Variants in KLF4 observed in about 807,000 individuals in gnomAD.
The protein encoded by KLF4 is KLF transcription factor 4.
A neutral mutation model predicts 38.0 loss-of-function variants in KLF4; 14 were observed. That is an observed-to-expected ratio of 0.37 (90% CI 0.24 to 0.58). The LOEUF is 0.58. Among genes scored for constraint, KLF4 ranks in the 20% least tolerant of loss-of-function variants. The pLI is 0.76. For missense variants in KLF4, 737 were observed against 670.1 expected, an observed-to-expected ratio of 1.10 and a Z score of -1.10; for synonymous variants, 398 against 302.5, an observed-to-expected ratio of 1.32 and a Z score of -3.28.
At chr9:107,486,774 AAC>A (rs1186213851) in intron 4 of KLF4, among the ~76,000 whole-genome samples, 1 of 152,080 alleles carries the variant, frequency 6.6e-6, no homozygotes, top group Non-Finnish European at 1.5e-5. Flanking sequence ...TGCACATTCA[AAC>A]ACAGATACCA....
chr9:107,489,157 G>A lies in KLF4; in HGVS notation c.5+11C>T. 2 of 1,532,524 alleles carry A rather than the reference G, an allele frequency of 1.3e-6. No individual in the cohort carries two copies. The highest frequency in any genetic ancestry group is 2.0e-5 in the Admixed American group (1 of 49,220). The allele number at this position is 1,532,524 out of a possible 1,614,324, so 94.9% of individuals were successfully genotyped here. A position where few individuals can be genotyped will look rare whatever the true frequency, so the allele number is the denominator to read the frequency against. ...CCCCTCCCTGCTCCCAGCGCCGCGC[G>A]CCTCACCTACCTCATTAATGTGGGG... On this transcript the variant is annotated intron_variant, in intron 1 of 4. Transcript: ENST00000374672.
Position 107,488,884 on chromosome 9 carries a change from C to T in KLF4, c.126+46G>A, listed in dbSNP as rs1829138981. ...AGGCTCCGCCCGCCCCCACCACACC[C>T]ACGAAAACCCACCGGGCGTTCCCGG... On this transcript the variant is annotated intron_variant, in intron 2 of 4. Coordinates refer to ENST00000374672, the MANE Select transcript of KLF4 (RefSeq NM_004235.6). The surrounding 1 kb of genome is among the most constrained non-coding windows in gnomAD (Gnocchi z 5.7). 6.5e-7 allele frequency: 1 copy of T among 1,538,614 alleles called. No homozygotes were observed. The highest frequency in any genetic ancestry group is 1.8e-4 in the Middle Eastern group (1 of 5,652).
In KLF4 at chr9:107,489,313, T is replaced by G. The variant is rs1829149325; in HGVS notation, c.-141A>C. 2 of 1,154,614 alleles carry G rather than the reference T, an allele frequency of 1.7e-6. No individual in the cohort carries two copies. Among genetic ancestry groups the G allele is most frequent in the Admixed American group, 3.4e-5 (1 of 29,212 alleles). The allele number at this position is 1,154,614 out of a possible 1,614,324, so 71.5% of individuals were successfully genotyped here. Reference sequence around the variant, plus strand: ...CCTTCTTCTTTGGATTAAATATAACTTGGAAGCGTCTTTTTTAAAAAGTTC... The same window carrying G: ...CCTTCTTCTTTGGATTAAATATAACGTGGAAGCGTCTTTTTTAAAAAGTTC... On this transcript the variant is annotated 5_prime_UTR_variant, in exon 1 of 5. Coordinates refer to ENST00000374672, the MANE Select transcript of KLF4 (RefSeq NM_004235.6).
In KLF4 at chr9:107,488,292, C is replaced by G. The variant is rs754520836; in HGVS notation, c.127-25G>C. 1 of 1,558,170 alleles carries G rather than the reference C, an allele frequency of 6.4e-7. No homozygotes were observed. The highest frequency in any genetic ancestry group is 1.2e-5 in the South Asian group (1 of 85,728). ...GCTGCGGGGACAGGGCGGGAGAGAC[C>G]TGTCAGTGGTGGTCCCCTGTTGCCA... is the stretch of plus-strand genomic sequence containing the variant. On this transcript the variant is annotated intron_variant, in intron 2 of 4. Coordinates refer to ENST00000374672, the MANE Select transcript of KLF4 (RefSeq NM_004235.6). The surrounding 1 kb of genome is among the most constrained non-coding windows in gnomAD (Gnocchi z 5.7).
Position 107,489,356 on chromosome 9 carries a change from C to T in KLF4, c.-184G>A, listed in dbSNP as rs537880884. ...AAAAGTTCCTTTGTATACAAAAGTT[C>T]TTAGAAAAGTTGTAAACGCAAAAAT... On this transcript the variant is annotated 5_prime_UTR_variant, in exon 1 of 5. Coordinates refer to ENST00000374672, the MANE Select transcript of KLF4 (RefSeq NM_004235.6). The T allele has an allele frequency of 1.0e-4, 85 of 819,902 alleles. No individual in the cohort carries two copies. The African/African-American group carries it at 1.4e-3, about 14-fold the overall frequency. The allele number at this position is 819,902 out of a possible 1,614,324, so 50.8% of individuals were successfully genotyped here.
Position 107,487,345 on chromosome 9 carries a change from G to C in KLF4, c.1049C>G (p.Ser350Cys). ...FHPHPGPNYP[S>C]FLPDQMQPQV... The stretch of plus-strand genomic sequence containing the variant: ...CGGCTGCATCTGATCGGGCAGGAAG[G>C]ATGGGTAATTGGGCCCCGGGTGGGG... Residue 350 changes from serine to cysteine, a missense_variant, in exon 3 of 5, where the codon TCC (serine) becomes TGC (cysteine). Transcript: ENST00000374672. The surrounding 1 kb of genome is among the most constrained non-coding windows in gnomAD (Gnocchi z 6.1). The C allele has an allele frequency of 6.4e-7, 1 of 1,554,614 alleles. No individual in the cohort carries two copies. Among genetic ancestry groups the C allele is most frequent in the Non-Finnish European group, 8.7e-7 (1 of 1,150,668 alleles).
Position 107,487,288 on chromosome 9 carries a change from G to A in KLF4, c.1099+7C>T, listed in dbSNP as rs368000073. On this transcript the variant is annotated splice_region_variant and intron_variant, in intron 3 of 4. Coordinates refer to ENST00000374672, the MANE Select transcript of KLF4 (RefSeq NM_004235.6). The surrounding 1 kb of genome is among the most constrained non-coding windows in gnomAD (Gnocchi z 6.1). Reference sequence around the variant, plus strand: ...CCCAGCCCGAGCTACAAATCCCCGGGACTGACCTTGGTAATGGAGCGGCGG... The same window carrying A: ...CCCAGCCCGAGCTACAAATCCCCGGAACTGACCTTGGTAATGGAGCGGCGG... 3.5e-5 allele frequency: 56 copies of A among 1,591,004 alleles called. No homozygotes were observed. In the African/African-American group the frequency reaches 5.1e-4, roughly 14 times the overall value.
chr9:107,487,083 G>A lies in KLF4; in HGVS notation c.1209C>T (p.Cys403=), dbSNP rs1173622343. Reference sequence around the variant, plus strand: ...GGGAACTCTTTGTGTAGGTTTTGCCGCAGCCCGCGTAATCACAAGTGTGGG... The same window carrying A: ...GGGAACTCTTTGTGTAGGTTTTGCCACAGCCCGCGTAATCACAAGTGTGGG... ...TATHTCDYAG[C]GKTYTKSSHL... The change falls in exon 4 of 5, where the codon TGC becomes TGT. Residue 403 remains cysteine (C), a synonymous_variant. Coordinates refer to ENST00000374672, the MANE Select transcript of KLF4 (RefSeq NM_004235.6). This position sits in a 1 kb window ranked among gnomAD's most constrained non-coding sequence, Gnocchi z 6.1. The A allele has an allele frequency of 4.3e-6, 7 of 1,614,074 alleles. No individual in the cohort carries two copies. The highest frequency in any genetic ancestry group is 4.5e-5 in the East Asian group (2 of 44,872).
Position 107,488,444 on chromosome 9 carries a change from A to C in KLF4, c.127-177T>G. 1 of 1,132,078 alleles carries C rather than the reference A, an allele frequency of 8.8e-7. No individual in the cohort carries two copies. Among genetic ancestry groups the C allele is most frequent in the Non-Finnish European group, 1.2e-6 (1 of 823,978 alleles). The allele number at this position is 1,132,078 out of a possible 1,614,324, so 70.1% of individuals were successfully genotyped here. ...CAATCTCGGCCCACTCCCGGGTCGA[A>C]GAAGAGGTGATGCGTCTGTATTGCG... On this transcript the variant is annotated intron_variant, in intron 2 of 4. Coordinates refer to ENST00000374672, the MANE Select transcript of KLF4 (RefSeq NM_004235.6). The surrounding 1 kb of genome is among the most constrained non-coding windows in gnomAD (Gnocchi z 5.7).
At position 107,488,151 on chromosome 9, in the gene KLF4, C is replaced by T. The variant is rs528113597; in HGVS notation, c.243G>A (p.Ala81=). The T allele has an allele frequency of 4.3e-6, 7 of 1,612,616 alleles. No homozygotes were observed. The South Asian group carries it at 5.5e-5, about 13-fold the overall frequency. ...ATDLESGGAG[A]ACGGSNLAPL... ...GCGCCAGGTTGCTACCGCCGCAAGC[C>T]GCACCGGCTCCGCCGCTCTCCAGGT... is the stretch of plus-strand genomic sequence containing the variant. The change falls in exon 3 of 5, where the codon GCG becomes GCA. Residue 81 remains alanine, a synonymous_variant. Coordinates refer to ENST00000374672, the MANE Select transcript of KLF4 (RefSeq NM_004235.6). This position sits in a 1 kb window ranked among gnomAD's most constrained non-coding sequence, Gnocchi z 5.7.
chr9:107,488,990 C>G lies in KLF4; in HGVS notation c.66G>C (p.Thr22=). 1 of 1,569,002 alleles carries G rather than the reference C, an allele frequency of 6.4e-7. No homozygotes were observed. Among genetic ancestry groups the G allele is most frequent in the East Asian group, 2.4e-5 (1 of 42,360 alleles). Reference sequence around the variant, plus strand: ...CCCTTCCCGCCGGGCCAGACGCGAACGTGGAGAAAGATGGGAGCAGCGCGT... The same window carrying G: ...CCCTTCCCGCCGGGCCAGACGCGAAGGTGGAGAAAGATGGGAGCAGCGCGT... The part of the protein sequence containing the change: ...VSDALLPSFS[T]FASGPAGREK... The change falls in exon 2 of 5, where the codon ACG becomes ACC. Residue 22 remains threonine (T), a synonymous_variant. Transcript: ENST00000374672. The surrounding 1 kb of genome is among the most constrained non-coding windows in gnomAD (Gnocchi z 5.7).
rs574256652 is a variant in KLF4 at position 107,489,210 on chromosome 9, C to A, written c.-38G>T. On this transcript the variant is annotated 5_prime_UTR_variant, in exon 1 of 5. Transcript: ENST00000374672. ...CCAGAAGGTCCTCGGCAGCCCGAAG[C>A]AGCTGGGGCACCTGAACCCCAAAGT... 8 of 1,461,044 alleles carry A rather than the reference C, an allele frequency of 5.5e-6. No homozygotes were observed. The highest frequency in any genetic ancestry group is 1.4e-5 in the South Asian group (1 of 69,068). The allele number at this position is 1,461,044 out of a possible 1,614,324, so 90.5% of individuals were successfully genotyped here.
At position 107,487,628 on chromosome 9, in the gene KLF4, C is replaced by T; in HGVS notation, c.766G>A (p.Asp256Asn). ...GCCACCACCACCGGGTGGCTGCCGT[C>T]AGGGCTGCCTTTGCTGACGCTGATG... ...SVISVSKGSP[D>N]GSHPVVVAPY... Residue 256 changes from aspartate (D) to asparagine (N), a missense_variant, in exon 3 of 5, where the codon GAC becomes AAC. By Grantham distance (23) the Asp-to-Asn change is conservative (BLOSUM62 1). Transcript: ENST00000374672. This position sits in a 1 kb window ranked among gnomAD's most constrained non-coding sequence, Gnocchi z 6.1. The T allele has an allele frequency of 6.3e-7, 1 of 1,589,830 alleles. No homozygotes were observed. The highest frequency in any genetic ancestry group is 1.3e-5 in the African/African-American group (1 of 74,854).
rs895120859 is a variant in KLF4, at chr9:107,487,853, G to A, written c.541C>T (p.Pro181Ser). The change falls in exon 3 of 5, where the codon CCG becomes TCG. Residue 181 changes from proline to serine, a missense_variant. Pro to Ser is a moderately conservative substitution (Grantham distance 74). Coordinates refer to ENST00000374672, the MANE Select transcript of KLF4 (RefSeq NM_004235.6). The surrounding 1 kb of genome is among the most constrained non-coding windows in gnomAD (Gnocchi z 6.1). Reference protein sequence around the residue: ...LLYGRESAPPPTAPFNLADIN... With the variant: ...LLYGRESAPPSTAPFNLADIN... ...TCCGCCAGGTTGAAGGGAGCCGTCGGAGGGGGAGCGGACTCCCTGCCATAG... is the reference window on the plus strand; with the variant it reads ...TCCGCCAGGTTGAAGGGAGCCGTCGAAGGGGGAGCGGACTCCCTGCCATAG... 6.5e-7 allele frequency: 1 copy of A among 1,529,542 alleles called. No homozygotes were observed. The highest frequency in any genetic ancestry group is 1.2e-5 in the South Asian group (1 of 80,692). 94.7% of individuals were successfully genotyped at this position (1,529,542 alleles called of 1,614,324 possible).
Position 107,488,995 on chromosome 9 carries a change from AG to A in KLF4, c.60del (p.Ser21ProfsTer31). 6.4e-7 allele frequency: 1 copy of A among 1,568,420 alleles called. No individual in the cohort carries two copies. Among genetic ancestry groups the A allele is most frequent in the Non-Finnish European group, 8.6e-7 (1 of 1,156,170 alleles). The part of the protein sequence containing the change: ...MAVSDALLPS[F>X]STFASGPAGR... ...CCCGCCGGGCCAGACGCGAACGTGG[AG>A]AAAGATGGGAGCAGCGCGTCGCTGA... is the stretch of plus-strand genomic sequence containing the variant. On this transcript the variant is annotated frameshift_variant, in exon 2 of 5. Coordinates refer to ENST00000374672, the MANE Select transcript of KLF4 (RefSeq NM_004235.6). LOFTEE classifies it high-confidence loss of function. This position sits in a 1 kb window ranked among gnomAD's most constrained non-coding sequence, Gnocchi z 5.7.
Position 107,485,800 on chromosome 9 carries a change from G to A in KLF4, c.1391C>T (p.Ala464Val). 1 of 1,583,874 alleles carries A rather than the reference G, an allele frequency of 6.3e-7. No homozygotes were observed. The highest frequency in any genetic ancestry group is 8.6e-7 in the Non-Finnish European group (1 of 1,165,248). ...GGCGAGGTGGTCCGACCTGGAAAAT[G>A]CTCGGTCGCATTTTTGGCACTGGAA... ...RPFQCQKCDR[A>V]FSRSDHLALH... The change falls in exon 5 of 5, where the codon GCA (alanine) becomes GTA (valine). Residue 464 changes from alanine (A) to valine (V), a missense_variant. By Grantham distance (64) the Ala-to-Val change is moderately conservative. This residue lies in a region of KLF4 where 42 missense variants were observed against 115.5 expected (regional missense o/e 0.36). Transcript: ENST00000374672. The surrounding 1 kb of genome is among the most constrained non-coding windows in gnomAD (Gnocchi z 4.9).
chr9:107,486,539 C>T (rs1166946619), intron 4 of KLF4, among the ~76,000 whole-genome samples: 1 of 150,774 alleles, frequency 6.6e-6, no homozygotes, highest in Non-Finnish European at 1.5e-5. Context: ...TAAATCAAAA[C>T]GAACAAAAAA....
Position 107,487,567 on chromosome 9 carries a change from T to C in KLF4, c.827A>G (p.Lys276Arg). Residue 276 changes from lysine to arginine, a missense_variant, in exon 3 of 5, where the codon AAG becomes AGG. Lys to Arg is a conservative substitution (Grantham distance 26, BLOSUM62 2). Around this residue, in one of 2 missense-constraint regions of KLF4, gnomAD observed 695 missense variants for 554.5 expected, o/e 1.25. Transcript: ENST00000374672. This position sits in a 1 kb window ranked among gnomAD's most constrained non-coding sequence, Gnocchi z 6.1. The stretch of plus-strand genomic sequence containing the variant: ...CGAAGAGACCGCCTCCTGCTTGATC[T>C]TGGGGCACGTGCGCGGCGGCCCGCC... ...YNGGPPRTCP[K>R]IKQEAVSSCT... The C allele has an allele frequency of 6.3e-7, 1 of 1,580,878 alleles. No individual in the cohort carries two copies. Among genetic ancestry groups the C allele is most frequent in the Non-Finnish European group, 8.6e-7 (1 of 1,167,362 alleles).
chr9:107,485,599 G>A lies in KLF4; in HGVS notation c.*152C>T. ...GTCTTTTGGATTCCTCATTTTTCCT[G>A]ATTATCCACTCACAAGATGACTCAG... On this transcript the variant is annotated 3_prime_UTR_variant, in exon 5 of 5. Coordinates refer to ENST00000374672, the MANE Select transcript of KLF4 (RefSeq NM_004235.6). The surrounding 1 kb of genome is among the most constrained non-coding windows in gnomAD (Gnocchi z 4.9). 1 of 695,770 alleles carries A rather than the reference G, an allele frequency of 1.4e-6. No homozygotes were observed. The highest frequency in any genetic ancestry group is 2.5e-5 in the South Asian group (1 of 39,932). The allele number at this position is 695,770 out of a possible 1,614,324, so 43.1% of individuals were successfully genotyped here. A position where few individuals can be genotyped will look rare whatever the true frequency, so the allele number is the denominator to read the frequency against.
Sources: gnomAD v4.1 joint callset for allele counts (sites outside exome capture counted in the v4.1 genomes callset) on GRCh38, gnomAD v4.1.1 for gene constraint, gnomAD v4.1.1 regional missense constraint, Gnocchi (gnomAD v3.1) non-coding constraint, MANE v1.5 for transcripts, NCBI Gene and HGNC (gene_info 2026-07-23, HGNC 2026-07-21) for gene names.